The following HSD17B11 variants were observed in gnomAD, a reference collection of about 807,000 sequenced individuals.
The protein encoded by HSD17B11 is estradiol 17-beta-dehydrogenase 11.
A neutral mutation model predicts 27.8 loss-of-function variants in HSD17B11; 22 were observed. The observed-to-expected ratio is 0.79, with a 90% CI of 0.56 to 1.13. HSD17B11 has a LOEUF of 1.13. Among genes scored for constraint, HSD17B11 ranks in the 50% most tolerant of loss-of-function variants. The probability of loss-of-function intolerance (pLI) is 0.00; values close to 1 mark genes in which losing one functional copy is unlikely to be tolerated. For synonymous variants in HSD17B11, 117 were observed against 132.8 expected, an observed-to-expected ratio of 0.88 and a Z score of 0.82; for missense variants, 314 against 351.1, an observed-to-expected ratio of 0.89 and a Z score of 0.84.
At chr4:87,355,203 G>A (rs919200448) in intron 5 of HSD17B11, among the ~76,000 whole-genome samples, 1 of 151,980 alleles carries the variant, frequency 6.6e-6, no homozygotes, top group African/African-American at 2.4e-5. Flanking sequence ...CTTATAATAT[G>A]AATTTAATAT....
intron 2 of HSD17B11, among the ~76,000 whole-genome samples, chr4:87,378,944 A>T (rs1474878812): frequency 1.0e-4 from 2 of 19,382 alleles, no homozygotes; most frequent in Non-Finnish European, 1.8e-4. Flanking sequence ...ATATATATAT[A>T]TATTTATATA....
intron 1 of HSD17B11, among the ~76,000 whole-genome samples, chr4:87,383,155 G>T (rs1191688093): frequency 6.6e-6 from 1 of 152,078 alleles, no homozygotes; most frequent in African/African-American, 2.4e-5. Flanking sequence ...ATAGGAGATT[G>T]GTCTTGTGGA....
In HSD17B11 at chr4:87,364,275, A is replaced by G. The variant is rs1231699659; in HGVS notation, c.558-6859T>C. Among the ~76,000 whole-genome samples, 4 of 151,278 alleles carry G rather than the reference A, an allele frequency of 2.6e-5. No homozygotes were observed. In the East Asian group the frequency reaches 5.8e-4, roughly 22 times the overall value. ...CACCACAGATCCAGTTTTGGGAAAA[A>G]AAAAAAAAAAAGAAAAAAAACCCCT... On this transcript the variant is annotated intron_variant, in intron 4 of 6. Transcript: ENST00000358290.
intron 5 of HSD17B11, among the ~76,000 whole-genome samples, chr4:87,343,629 C>G (rs895802661): frequency 2.0e-5 from 3 of 148,782 alleles, no homozygotes; most frequent in Non-Finnish European, 4.4e-5. Flanking sequence ...CTCACTGCAA[C>G]CTCCGTCTCC....
At chr4:87,343,415 G>C (rs1339127394) in intron 5 of HSD17B11, among the ~76,000 whole-genome samples, 1 of 152,124 alleles carries the variant, frequency 6.6e-6, no homozygotes, top group Non-Finnish European at 1.5e-5. Flanking sequence ...ATCTGCTGGG[G>C]TGGGAAAGGA....
intron 3 of HSD17B11, among the ~76,000 whole-genome samples, chr4:87,373,759 C>T (rs906662827): frequency 1.3e-5 from 2 of 152,034 alleles, no homozygotes; most frequent in African/African-American, 2.4e-5. Context: ...AAACACAAAA[C>T]ATAAAGATAT....
chr4:87,389,369 C>T (rs1311770574), intron 1 of HSD17B11, among the ~76,000 whole-genome samples: 1 of 152,090 alleles, frequency 6.6e-6, no homozygotes, highest in Non-Finnish European at 1.5e-5. Context: ...ATTACAAGTA[C>T]ACGCCACCAC....
intron 4 of HSD17B11, among the ~76,000 whole-genome samples, chr4:87,363,321 T>C (rs1362149003): frequency 6.6e-6 from 1 of 152,156 alleles, no homozygotes. Context: ...AAATCAGTGT[T>C]TATCACCTCT....
intron 5 of HSD17B11, 47 bp from the exon 6 acceptor site, chr4:87,340,653 T>G (rs760015088): frequency 6.0e-5 from 78 of 1,297,988 alleles, no homozygotes; most frequent in Non-Finnish European, 8.3e-5. Flanking sequence ...CACCGAGGCT[T>G]CAGCTTTAGT....
chr4:87,378,711 C>T lies in HSD17B11; in HGVS notation c.318+3544G>A, dbSNP rs536425917. Among the ~76,000 whole-genome samples the T allele has an allele frequency of 4.2e-5, 6 of 141,552 alleles. 1 individual carries two copies. In the South Asian group the frequency reaches 1.1e-3, roughly 25 times the overall value. The allele number at this position is 141,552 out of a possible 152,430, so 92.9% of individuals were successfully genotyped here. A position where few individuals can be genotyped will look rare whatever the true frequency, so the allele number is the denominator to read the frequency against. On this transcript the variant is annotated intron_variant, in intron 2 of 6. Transcript: ENST00000358290. ...CCAGCCTCTGGTAACCATCCTTCTA[C>T]TCTCTATCTCCAAGAGTTCGATTAT...
intron 4 of HSD17B11, among the ~76,000 whole-genome samples, chr4:87,371,338 T>C (rs1735712574): frequency 6.6e-6 from 1 of 152,142 alleles, no homozygotes; most frequent in South Asian, 2.1e-4. Flanking sequence ...ACAAATATAG[T>C]GTGATTCCAT....
At chr4:87,353,350 T>C (rs988728582) in intron 5 of HSD17B11, among the ~76,000 whole-genome samples, 2 of 152,214 alleles carry the variant, frequency 1.3e-5, no homozygotes, top group African/African-American at 4.8e-5. Flanking sequence ...CCCAAAAGTA[T>C]TGTTGTGAGG....
chr4:87,354,614 G>C (rs2110116067), intron 5 of HSD17B11, among the ~76,000 whole-genome samples: 1 of 148,862 alleles, frequency 6.7e-6, no homozygotes, highest in Admixed American at 6.8e-5. Flanking sequence ...ACTGCATCCA[G>C]CCTGGGTGAC....
intron 1 of HSD17B11, among the ~76,000 whole-genome samples, chr4:87,382,575 C>T (rs986787872): frequency 2.6e-5 from 4 of 152,128 alleles, no homozygotes; most frequent in African/African-American, 9.7e-5. Flanking sequence ...GAATTTAAAG[C>T]AAGCTTCTTA....
At chr4:87,379,362 G>T (rs1213789119) in intron 2 of HSD17B11, among the ~76,000 whole-genome samples, 1 of 150,714 alleles carries the variant, frequency 6.6e-6, no homozygotes, top group Non-Finnish European at 1.5e-5. Context: ...TATATAATGG[G>T]GTTTCACTCT....
chr4:87,390,768 T>C, intron 1 of HSD17B11, 93 bp downstream of exon 1: 2 of 1,082,796 alleles, frequency 1.8e-6, no homozygotes, highest in Non-Finnish European at 2.8e-6. Flanking sequence ...CTCCCTGCTT[T>C]GCAGAGATGA....
At position 87,391,167 on chromosome 4, in the gene HSD17B11, G is replaced by A. The variant is rs1364243005; in HGVS notation, c.-97C>T. 11 of 858,444 alleles carry A rather than the reference G, an allele frequency of 1.3e-5. No homozygotes were observed. Among genetic ancestry groups the A allele is most frequent in the Middle Eastern group, 3.4e-4 (1 of 2,954 alleles). The allele number at this position is 858,444 out of a possible 1,614,324, so 53.2% of individuals were successfully genotyped here. On this transcript the variant is annotated 5_prime_UTR_variant, in exon 1 of 7. Transcript: ENST00000358290. Reference sequence around the variant, plus strand: ...GCTCGATCTAACACCAGAAAGAGTAGGGGCGAGAGCAAGGAGGAACTCCCG... The same window carrying A: ...GCTCGATCTAACACCAGAAAGAGTAAGGGCGAGAGCAAGGAGGAACTCCCG...
chr4:87,383,561 A>G (rs564881685), intron 1 of HSD17B11, among the ~76,000 whole-genome samples: 48 of 152,240 alleles, frequency 3.2e-4, no homozygotes, highest in African/African-American at 1.1e-3. Context: ...TTTGCTTTCT[A>G]GTTTTGGTAG....
At chr4:87,380,217 C>G (rs1309597284) in intron 2 of HSD17B11, among the ~76,000 whole-genome samples, 1 of 150,024 alleles carries the variant, frequency 6.7e-6, no homozygotes, top group Non-Finnish European at 1.5e-5. Context: ...AAGAAATATA[C>G]AAATCCCAGC....
Sources: allele counts gnomAD v4.1 joint callset (sites outside exome capture counted in the v4.1 genomes callset), GRCh38; gene constraint gnomAD v4.1.1; transcripts MANE v1.5; gene names NCBI Gene and HGNC (gene_info 2026-07-23, HGNC 2026-07-21).